The following AKAP11 variants were observed in gnomAD, a reference collection of about 807,000 sequenced individuals.
The protein encoded by AKAP11 is A-kinase anchor protein 11.
In AKAP11, 36 loss-of-function variants were observed where a neutral mutation model predicts 146.1. The ratio of observed to expected loss-of-function variants is 0.25; its 90% CI spans 0.19 to 0.33. The LOEUF (loss-of-function observed/expected upper bound fraction) is 0.33, where lower values mean the gene tolerates loss of function less well. AKAP11 is among the 10% of genes least tolerant of loss of function. AKAP11 has a pLI of 1.00. For missense variants in AKAP11, 2,201 were observed against 2,197.0 expected (o/e 1.00, Z -0.04); for synonymous variants, 780 against 786.5 (o/e 0.99, Z 0.14).
In AKAP11 at chr13:42,302,292, C is replaced by A. The variant is rs1315989299; in HGVS notation, c.3546C>A (p.Leu1182=). 1 of 1,613,998 alleles carries A rather than the reference C, an allele frequency of 6.2e-7. No homozygotes were observed. The highest frequency in any genetic ancestry group is 8.5e-7 in the Non-Finnish European group (1 of 1,180,040). The change falls in exon 8 of 13, where the codon CTC becomes CTA. Residue 1182 remains leucine (L), a synonymous_variant. Transcript: ENST00000025301. ...EEVESSESGE[L]PEVDVKSEHS... ...TTGAGAGTAGTGAAAGTGGAGAGCT[C>A]CCAGAAGTGGATGTGAAGTCGGAGC...
intron 1 of AKAP11, among the ~76,000 whole-genome samples, chr13:42,275,890 C>T (rs1296917155): frequency 6.6e-6 from 1 of 152,210 alleles, no homozygotes; most frequent in Non-Finnish European, 1.5e-5. Flanking sequence ...TACTGTGATA[C>T]AGGCTTCTGG....
chr13:42,292,530 C>T (rs1276825001), intron 4 of AKAP11, 29 bp downstream of exon 4: 1 of 1,338,726 alleles, frequency 7.5e-7, no homozygotes, highest in African/African-American at 1.4e-5. Flanking sequence ...TAAACCCTTT[C>T]CTAATAATGC....
chr13:42,286,429 T>C, intron 3 of AKAP11, 30 bp downstream of exon 3: 1 of 1,532,404 alleles, frequency 6.5e-7, no homozygotes, highest in Non-Finnish European at 8.8e-7. Context: ...TTTCTTTTAG[T>C]GAAAGTTTTA....
At chr13:42,294,117 A>G (rs985150567) in intron 4 of AKAP11, among the ~76,000 whole-genome samples, 1 of 152,236 alleles carries the variant, frequency 6.6e-6, no homozygotes, top group African/African-American at 2.4e-5. Flanking sequence ...TCTCAGAGTA[A>G]TATAAGATTC....
rs565036878 is a variant in AKAP11, at chr13:42,319,505, G to A, written c.*277G>A. On this transcript the variant is annotated 3_prime_UTR_variant, in exon 13 of 13. Coordinates refer to ENST00000025301, the MANE Select transcript of AKAP11 (RefSeq NM_016248.4). The stretch of plus-strand genomic sequence containing the variant: ...ATTTGAAGGAAGGTCTAACCAGGGG[G>A]TTTTCAGGGGCATTGTCTGACCACA... 3 of 292,962 alleles carry A rather than the reference G, an allele frequency of 1.0e-5. No individual in the cohort carries two copies. Among genetic ancestry groups the A allele is most frequent in the Admixed American group, 5.0e-5 (1 of 20,038 alleles). 18.1% of individuals were successfully genotyped at this position (292,962 alleles called of 1,614,324 possible).
At position 42,301,574 on chromosome 13, in the gene AKAP11, C is replaced by A. The variant is rs532659984; in HGVS notation, c.2828C>A (p.Ser943Tyr). The stretch of plus-strand genomic sequence containing the variant: ...AAGGACATGTTTGCTGACCGGTTAT[C>A]TAAATCTATTATTAAACATTCCATA... ...SNKDMFADRL[S>Y]KSIIKHSIDK... Residue 943 changes from serine to tyrosine, a missense_variant, in exon 8 of 13, where the codon TCT becomes TAT. Transcript: ENST00000025301. The A allele has an allele frequency of 1.2e-5, 20 of 1,614,074 alleles. No homozygotes were observed. The African/African-American group carries it at 2.5e-4, about 20-fold the overall frequency.
intron 9 of AKAP11, 88 bp from the exon 10 acceptor site, chr13:42,312,959 A>G: frequency 1.8e-6 from 2 of 1,089,132 alleles, no homozygotes; most frequent in Non-Finnish European, 2.7e-6. Flanking sequence ...ATCTGCAGTT[A>G]TCAAGGACAG....
At chr13:42,284,403 A>G (rs933684003) in intron 1 of AKAP11, among the ~76,000 whole-genome samples, 4 of 152,158 alleles carry the variant, frequency 2.6e-5, no homozygotes, top group South Asian at 2.1e-4. Flanking sequence ...GTTGGCTTCT[A>G]TGTTTTATGT....
intron 1 of AKAP11, among the ~76,000 whole-genome samples, chr13:42,278,521 A>T (rs1211852290): frequency 6.6e-6 from 1 of 152,160 alleles, no homozygotes; most frequent in Non-Finnish European, 1.5e-5. Flanking sequence ...TTCAAATAAC[A>T]TCACTTCATG....
chr13:42,273,665 G>T (rs879797804), intron 1 of AKAP11, among the ~76,000 whole-genome samples: 1 of 152,166 alleles, frequency 6.6e-6, no homozygotes, highest in Non-Finnish European at 1.5e-5. Flanking sequence ...ATGGGAAGTT[G>T]CCTAAGACAT....
In AKAP11 at chr13:42,314,252, C is replaced by G. The variant is rs1454136627; in HGVS notation, c.5404+312C>G. Among the ~76,000 whole-genome samples, 4 of 152,014 alleles carry G rather than the reference C, an allele frequency of 2.6e-5. No individual in the cohort carries two copies. The East Asian group carries it at 7.7e-4, about 29-fold the overall frequency. ...ATGAGGCCAGGAATTTGAGACCAGC[C>G]TGGCCAACATGGTGAAACCCCATCT... On this transcript the variant is annotated intron_variant, in intron 11 of 12. Coordinates refer to ENST00000025301, the MANE Select transcript of AKAP11 (RefSeq NM_016248.4).
upstream of AKAP11, among the ~76,000 whole-genome samples, chr13:42,271,860 C>A (rs562890747): frequency 2.6e-5 from 4 of 151,464 alleles, no homozygotes; most frequent in Non-Finnish European, 1.5e-5. Context: ...GCGGGGCTGC[C>A]CCGCGGGCTG....
At chr13:42,304,755 CTT>C (rs200885238) in intron 8 of AKAP11, among the ~76,000 whole-genome samples, 3 of 144,708 alleles carry the variant, frequency 2.1e-5, no homozygotes, top group Non-Finnish European at 1.5e-5. Context: ...CTCAGTGATT[CTT>C]TTTTTTTTTT....
At chr13:42,309,867 G>A (rs1960465758) in intron 9 of AKAP11, among the ~76,000 whole-genome samples, 1 of 152,182 alleles carries the variant, frequency 6.6e-6, no homozygotes, top group Non-Finnish European at 1.5e-5. Context: ...AGATTGAGGT[G>A]TGGGTAGAGG....
At chr13:42,272,655 G>T (rs921993424) in intron 1 of AKAP11, among the ~76,000 whole-genome samples, 5 of 152,190 alleles carry the variant, frequency 3.3e-5, no homozygotes, top group African/African-American at 1.2e-4. Context: ...TTGGGAGGAC[G>T]TTGCACTTTG....
In AKAP11 at chr13:42,319,597, T is replaced by TA. The variant is rs1321011865; in HGVS notation, c.*370dup. ...AGTGGCTGAGGATAGGTTCCAGTGA[T>TA]AGAGTTATAATTTTGCTCCTTTGCA... On this transcript the variant is annotated 3_prime_UTR_variant, in exon 13 of 13. Transcript: ENST00000025301. 1.2e-5 allele frequency: 2 copies of TA among 163,924 alleles called. No individual in the cohort carries two copies. Among genetic ancestry groups the TA allele is most frequent in the African/African-American group, 4.8e-5 (2 of 41,950 alleles). 10.2% of individuals were successfully genotyped at this position (163,924 alleles called of 1,614,324 possible).
intron 8 of AKAP11, among the ~76,000 whole-genome samples, chr13:42,306,975 C>T (rs191970186): frequency 3.2e-4 from 48 of 152,182 alleles, no homozygotes; most frequent in African/African-American, 8.2e-4. Context: ...CATGAGCCAC[C>T]GTGCCTGGCT....
intron 12 of AKAP11, among the ~76,000 whole-genome samples, chr13:42,318,148 A>C (rs929090104): frequency 1.8e-4 from 27 of 152,240 alleles, no homozygotes; most frequent in Non-Finnish European, 2.2e-4. Context: ...TGTCATAATT[A>C]AAAGCCGATA....
At chr13:42,278,504 G>T (rs1198176291) in intron 1 of AKAP11, among the ~76,000 whole-genome samples, 1 of 152,048 alleles carries the variant, frequency 6.6e-6, no homozygotes, top group Non-Finnish European at 1.5e-5. Context: ...ACTTATTACA[G>T]GTTTTCTTCA....
Sources: allele counts gnomAD v4.1 joint callset (sites outside exome capture counted in the v4.1 genomes callset), GRCh38; gene constraint gnomAD v4.1.1; transcripts MANE v1.5; gene names NCBI Gene and HGNC (gene_info 2026-07-23, HGNC 2026-07-21).